Variants in CATSPERT observed in about 807,000 individuals in gnomAD.
The protein encoded by CATSPERT is catsper channel auxiliary subunit tau.
the CATSPERT span, chr2:201,492,533 C>A: frequency 1.3e-6 from 2 of 1,535,916 alleles, no homozygotes; most frequent in South Asian, 2.4e-5. Context: ...GATATTGAGA[C>A]ACTTTTAGTC....
the CATSPERT span, among the ~76,000 whole-genome samples, chr2:201,583,008 A>T: frequency 2.6e-5 from 4 of 152,222 alleles, no homozygotes; most frequent in African/African-American, 9.6e-5. Context: ...TGGCATCTTG[A>T]TTATTGGAAA....
chr2:201,527,359 A>G, the CATSPERT span, among the ~76,000 whole-genome samples: 1 of 152,192 alleles, frequency 6.6e-6, no homozygotes, highest in East Asian at 1.9e-4. Flanking sequence ...ATCCAATACT[A>G]TTCCTACCAA....
the CATSPERT span, among the ~76,000 whole-genome samples, chr2:201,568,747 TTAC>T: frequency 6.6e-6 from 1 of 152,230 alleles, no homozygotes; most frequent in Non-Finnish European, 1.5e-5. Context: ...TGCTTTCAGT[TTAC>T]TACTTTCATA....
the CATSPERT span, chr2:201,581,956 G>T: frequency 4.8e-6 from 5 of 1,044,050 alleles, no homozygotes; most frequent in Non-Finnish European, 5.4e-6. Context: ...ATAGCCAAAA[G>T]GAGATTTTAT....
chr2:201,565,705 ATTTTT>A, the CATSPERT span: 659 of 1,344,192 alleles, frequency 4.9e-4, no homozygotes, highest in South Asian at 1.9e-3. Context: ...GCTCTTTTGA[ATTTTT>A]TTTTTTTTTT....
chr2:201,532,842 A>G, the CATSPERT span, among the ~76,000 whole-genome samples: 2 of 152,240 alleles, frequency 1.3e-5, no homozygotes, highest in African/African-American at 4.8e-5. Flanking sequence ...GTAATATATT[A>G]GTCATTGGGG....
the CATSPERT span, among the ~76,000 whole-genome samples, chr2:201,490,023 A>G: frequency 6.6e-6 from 1 of 152,040 alleles, no homozygotes; most frequent in Admixed American, 6.6e-5. Flanking sequence ...CACCCAGCTA[A>G]TTTTTGTACT....
chr2:201,618,251 C>T, the CATSPERT span, among the ~76,000 whole-genome samples: 4 of 152,160 alleles, frequency 2.6e-5, no homozygotes, highest in African/African-American at 9.7e-5. Flanking sequence ...TATAAAGTCA[C>T]GTGCACACAT....
chr2:201,583,943 A>G, the CATSPERT span, among the ~76,000 whole-genome samples: 18 of 152,242 alleles, frequency 1.2e-4, no homozygotes, highest in Non-Finnish European at 2.4e-4. Flanking sequence ...ACTTGTAGAA[A>G]AGAAAACTAA....
At chr2:201,618,800 T>C in the CATSPERT span, 1 of 983,368 alleles carries the variant, frequency 1.0e-6, no homozygotes, top group Non-Finnish European at 1.5e-6. Flanking sequence ...TGAAGGGAGA[T>C]GCAATTGGCA....
chr2:201,556,728 G>A, the CATSPERT span, among the ~76,000 whole-genome samples: 14 of 152,078 alleles, frequency 9.2e-5, no homozygotes, highest in Admixed American at 9.2e-4. Flanking sequence ...TCTAGAGGCT[G>A]AGGCAGGAGA....
the CATSPERT span, among the ~76,000 whole-genome samples, chr2:201,565,511 C>T: frequency 6.6e-6 from 1 of 151,930 alleles, no homozygotes. Flanking sequence ...GAGTTTTCAC[C>T]TCTTTCTTTG....
the CATSPERT span, among the ~76,000 whole-genome samples, chr2:201,565,352 T>C: frequency 6.6e-6 from 1 of 151,516 alleles, no homozygotes; most frequent in Non-Finnish European, 1.5e-5. Context: ...GATGTGTCTG[T>C]AGTCCCTGCT....
chr2:201,521,445 GAGAGAGAA>G, the CATSPERT span, among the ~76,000 whole-genome samples: 2 of 124,520 alleles, frequency 1.6e-5, no homozygotes, highest in Non-Finnish European at 3.6e-5. Flanking sequence ...GAGAGAGAGA[GAGAGAGAA>G]AGAGACACAC....
chr2:201,512,407 T>A, the CATSPERT span, among the ~76,000 whole-genome samples: 1 of 152,174 alleles, frequency 6.6e-6, no homozygotes, highest in Non-Finnish European at 1.5e-5. Context: ...CACAAGGACC[T>A]CTAATATCCT....
chr2:201,514,757 C>A, the CATSPERT span, among the ~76,000 whole-genome samples: 161 of 152,334 alleles, frequency 1.1e-3, 1 homozygote, highest in African/African-American at 3.8e-3. Flanking sequence ...ATTTTTGGAT[C>A]TGCATAGCTG....
chr2:201,541,567 ATATATATATAT>A, the CATSPERT span, among the ~76,000 whole-genome samples: 1 of 113,562 alleles, frequency 8.8e-6, no homozygotes, highest in South Asian at 3.2e-4. Flanking sequence ...ATATATATAT[ATATATATATAT>A]AAAATTTACA....
the CATSPERT span, among the ~76,000 whole-genome samples, chr2:201,613,047 G>A: frequency 6.6e-6 from 1 of 152,372 alleles, no homozygotes; most frequent in East Asian, 1.9e-4. Context: ...AAACAAAGCA[G>A]CTGGGAAGCT....
chr2:201,549,373 C>A, the CATSPERT span, among the ~76,000 whole-genome samples: 1 of 151,880 alleles, frequency 6.6e-6, no homozygotes, highest in African/African-American at 2.4e-5. Flanking sequence ...GAAGGCTTCA[C>A]TTCAAAATGG....
Sources: allele counts gnomAD v4.1 joint callset (sites outside exome capture counted in the v4.1 genomes callset), GRCh38; gene constraint gnomAD v4.1.1; transcripts MANE v1.5; gene names NCBI Gene and HGNC (gene_info 2026-07-23, HGNC 2026-07-21).